The following ATP8A2 variants were observed in gnomAD, a reference collection of about 807,000 sequenced individuals.
ATP8A2 encodes phospholipid-transporting ATPase IB.
Under a neutral mutation model 165.6 loss-of-function variants are expected in ATP8A2, and 100 were observed. The ratio of observed to expected loss-of-function variants is 0.60; its 90% CI spans 0.51 to 0.71. The LOEUF is 0.71. ATP8A2 is among the 30% of genes least tolerant of loss of function. The pLI is 0.00. For missense variants in ATP8A2, 1,227 were observed against 1,479.5 expected (o/e 0.83, Z 2.80); for synonymous variants, 543 against 548.8 (o/e 0.99, Z 0.15).
At chr13:25,959,183 A>T (rs1453099240) in intron 33 of ATP8A2, among the ~76,000 whole-genome samples, 2 of 152,226 alleles carry the variant, frequency 1.3e-5, no homozygotes, top group Non-Finnish European at 2.9e-5. Context: ...AGGCTGATCC[A>T]ATCCCTTTCT....
chr13:25,955,314 CA>C (rs1275757538), intron 33 of ATP8A2, among the ~76,000 whole-genome samples: 31 of 152,000 alleles, frequency 2.0e-4, no homozygotes, highest in Middle Eastern at 3.4e-3. Context: ...AAAAACCCTT[CA>C]AAAAAATCAG....
intron 24 of ATP8A2, among the ~76,000 whole-genome samples, chr13:25,678,496 A>C (rs2042417895): frequency 6.6e-6 from 1 of 152,128 alleles, no homozygotes; most frequent in African/African-American, 2.4e-5. Context: ...AGCACTTTTC[A>C]ATAGTGCTGC....
At chr13:25,891,732 A>G (rs940169168) in intron 33 of ATP8A2, among the ~76,000 whole-genome samples, 1 of 152,156 alleles carries the variant, frequency 6.6e-6, no homozygotes, top group Non-Finnish European at 1.5e-5. Context: ...GGGATGCGCT[A>G]TAATTCCTGC....
At chr13:25,973,517 G>T (rs1955959290) in intron 35 of ATP8A2, among the ~76,000 whole-genome samples, 1 of 152,170 alleles carries the variant, frequency 6.6e-6, no homozygotes, top group Middle Eastern at 3.2e-3. Flanking sequence ...ACAAACCAAA[G>T]ATTGTTCCTC....
chr13:25,746,835 AGT>A (rs1464545707), intron 25 of ATP8A2, among the ~76,000 whole-genome samples: 2 of 152,262 alleles, frequency 1.3e-5, no homozygotes, highest in East Asian at 3.8e-4. Flanking sequence ...AGTCAAAATC[AGT>A]GTGGAATAAT....
intron 27 of ATP8A2, among the ~76,000 whole-genome samples, chr13:25,782,883 G>A (rs999529762): frequency 6.6e-6 from 1 of 152,026 alleles, no homozygotes; most frequent in Admixed American, 6.5e-5. Flanking sequence ...GGGATTACAG[G>A]CACGTGCCAC....
intron 2 of ATP8A2, among the ~76,000 whole-genome samples, chr13:25,482,200 C>T (rs576902286): frequency 3.9e-5 from 6 of 152,244 alleles, no homozygotes; most frequent in South Asian, 2.1e-4. Context: ...GATTAGGGCC[C>T]GCCTTAGAGG....
intron 33 of ATP8A2, among the ~76,000 whole-genome samples, chr13:25,889,275 A>ATATATATAT (rs1566239890): frequency 3.4e-4 from 29 of 84,926 alleles, no homozygotes; most frequent in African/African-American, 1.8e-3. Context: ...TATATATATA[A>ATATATATAT]AATTTAAATG....
intron 25 of ATP8A2, among the ~76,000 whole-genome samples, chr13:25,761,409 C>T (rs914504382): frequency 6.6e-6 from 1 of 152,074 alleles, no homozygotes; most frequent in African/African-American, 2.4e-5. Flanking sequence ...ATTTGTAGTG[C>T]AAAGATATTA....
chr13:25,531,176 T>G (rs1400956009), intron 4 of ATP8A2, among the ~76,000 whole-genome samples: 1 of 88,944 alleles, frequency 1.1e-5, no homozygotes, highest in Non-Finnish European at 2.6e-5. Flanking sequence ...TGTTATATGA[T>G]ATATATATGT....
At chr13:25,653,333 A>G (rs945548646) in intron 24 of ATP8A2, among the ~76,000 whole-genome samples, 1 of 152,222 alleles carries the variant, frequency 6.6e-6, no homozygotes, top group Non-Finnish European at 1.5e-5. Context: ...TATTAGCCTT[A>G]GCAAACTAAT....
chr13:25,949,397 A>C (rs941554696), intron 33 of ATP8A2, among the ~76,000 whole-genome samples: 2 of 152,162 alleles, frequency 1.3e-5, no homozygotes, highest in Non-Finnish European at 2.9e-5. Flanking sequence ...TGACGCTAAT[A>C]GTCTGAATTA....
intron 30 of ATP8A2, among the ~76,000 whole-genome samples, chr13:25,845,638 C>T (rs1414502502): frequency 1.3e-5 from 2 of 152,154 alleles, no homozygotes; most frequent in Admixed American, 1.3e-4. Context: ...GTTTTGTATA[C>T]TGAAATAGTA....
intron 27 of ATP8A2, among the ~76,000 whole-genome samples, chr13:25,822,019 CATGCAT>C (rs908911310): frequency 6.6e-6 from 1 of 152,150 alleles, no homozygotes; most frequent in Non-Finnish European, 1.5e-5. Flanking sequence ...AGAAAGTTGC[CATGCAT>C]ATATGAGTAT....
At chr13:25,514,386 G>A (rs1199917402) in intron 2 of ATP8A2, among the ~76,000 whole-genome samples, 1 of 152,082 alleles carries the variant, frequency 6.6e-6, no homozygotes, top group African/African-American at 2.4e-5. Flanking sequence ...TTTTTGTGGT[G>A]CAGGCTTTCT....
At chr13:25,465,663 T>TTTTCTTTCTTTCTTTCTTTC (rs1174243477) in intron 1 of ATP8A2, among the ~76,000 whole-genome samples, 2 of 86,452 alleles carry the variant, frequency 2.3e-5, no homozygotes, top group Non-Finnish European at 4.8e-5. Context: ...TCTTGCAGAG[T>TTTTCTTTCTTTCTTTCTTTC]TTTCTTTCTT....
intron 7 of ATP8A2, among the ~76,000 whole-genome samples, chr13:25,539,352 A>G (rs937137890): frequency 2.0e-5 from 3 of 151,712 alleles, no homozygotes; most frequent in South Asian, 2.1e-4. Flanking sequence ...GCCTCAAGCA[A>G]TCCTCCCGCC....
At chr13:25,530,362 A>C (rs1035418464) in intron 3 of ATP8A2, among the ~76,000 whole-genome samples, 200 bp from the exon 4 acceptor site, 1 of 152,242 alleles carries the variant, frequency 6.6e-6, no homozygotes, top group Non-Finnish European at 1.5e-5. Context: ...TTCTGTTCCA[A>C]ACACATAACC....
chr13:25,402,988 T>C (rs2033685654), intron 1 of ATP8A2, among the ~76,000 whole-genome samples: 1 of 152,022 alleles, frequency 6.6e-6, no homozygotes, highest in East Asian at 1.9e-4. Flanking sequence ...GAAAGGAAAA[T>C]AGGATGGACT....
Sources: allele counts gnomAD v4.1 joint callset (sites outside exome capture counted in the v4.1 genomes callset), GRCh38; gene constraint gnomAD v4.1.1; transcripts MANE v1.5; gene names NCBI Gene and HGNC (gene_info 2026-07-23, HGNC 2026-07-21).